Variants in LPP observed in about 807,000 individuals in gnomAD.
LPP encodes the protein LIM domain containing preferred translocation partner in lipoma, also known as lipoma-preferred partner.
LPP carries 38 observed loss-of-function variants against 60.4 expected under a neutral mutation model. That is an observed-to-expected ratio of 0.63 (90% CI 0.49 to 0.83). LPP has a LOEUF of 0.83. Ranked by LOEUF, LPP falls within the 40% of genes least tolerant of loss-of-function variation. The pLI, the probability that LPP is intolerant of heterozygous loss-of-function variation, is 0.00. For missense variants in LPP, 902 were observed against 783.6 expected (o/e 1.15, Z -1.80); for synonymous variants, 328 against 290.8 (o/e 1.13, Z -1.30).
chr3:188,671,683 G>T (rs1856990308), intron 7 of LPP, among the ~76,000 whole-genome samples: 1 of 152,028 alleles, frequency 6.6e-6, no homozygotes, highest in Admixed American at 6.6e-5. Flanking sequence ...TTAATTATTT[G>T]CTCTTCCTTA....
At chr3:188,494,877 A>T (rs1473847942) in intron 5 of LPP, among the ~76,000 whole-genome samples, 1 of 151,506 alleles carries the variant, frequency 6.6e-6, no homozygotes, top group African/African-American at 2.4e-5. Context: ...GACATAATGC[A>T]CATAAAGAAT....
At chr3:188,806,330 A>T (rs1261677171) in intron 9 of LPP, among the ~76,000 whole-genome samples, 1 of 151,800 alleles carries the variant, frequency 6.6e-6, no homozygotes, top group Admixed American at 6.6e-5. Context: ...ACATAATATG[A>T]TTCTTTAACT....
At chr3:188,656,670 C>T (rs879895027) in intron 7 of LPP, among the ~76,000 whole-genome samples, 1 of 152,152 alleles carries the variant, frequency 6.6e-6, no homozygotes, top group Non-Finnish European at 1.5e-5. Context: ...AGTTCTTGCT[C>T]TTAACATGAC....
At chr3:188,273,589 C>CTTTTTTTTTTTT (rs11380757) in intron 2 of LPP, among the ~76,000 whole-genome samples, 52 of 80,414 alleles carry the variant, frequency 6.5e-4, no homozygotes, top group Non-Finnish European at 7.8e-4. Flanking sequence ...TATTTTATAT[C>CTTTTTTTTTTTT]TTTTTTTTTT....
chr3:188,536,475 C>A (rs1385697616), intron 6 of LPP, among the ~76,000 whole-genome samples: 1 of 152,180 alleles, frequency 6.6e-6, no homozygotes, highest in Non-Finnish European at 1.5e-5. Flanking sequence ...ATGTCAAAAC[C>A]AATTAATTGT....
In LPP at chr3:188,746,661, T is replaced by G. The variant is rs929786832; in HGVS notation, c.1241-13452T>G. 2.9e-5 allele frequency: 12 copies of G among 410,292 alleles called. No homozygotes were observed. The Middle Eastern group carries it at 1.0e-3, about 36-fold the overall frequency. 25.4% of individuals were successfully genotyped at this position (410,292 alleles called of 1,614,324 possible). On this transcript the variant is annotated intron_variant, in intron 8 of 11. Transcript: ENST00000617246. ...CATTTTTATGCAGTTTCTGTGGACTTACATGGTTTCTGGGAGCTCCCTATA... is the reference window on the plus strand; with the variant it reads ...CATTTTTATGCAGTTTCTGTGGACTGACATGGTTTCTGGGAGCTCCCTATA...
chr3:188,485,852 G>A (rs1806344966), intron 5 of LPP, among the ~76,000 whole-genome samples: 2 of 148,290 alleles, frequency 1.3e-5, no homozygotes, highest in Non-Finnish European at 3.0e-5. Context: ...AAATAATAAG[G>A]GTTGGAAACT....
At chr3:188,155,908 G>T (rs1244500236) in intron 1 of LPP, among the ~76,000 whole-genome samples, 2 of 152,014 alleles carry the variant, frequency 1.3e-5, no homozygotes, top group African/African-American at 2.4e-5. Flanking sequence ...CCAGCTACTC[G>T]GGAGGCTGAG....
At chr3:188,655,175 C>T (rs1426794365) in intron 7 of LPP, among the ~76,000 whole-genome samples, 1 of 152,150 alleles carries the variant, frequency 6.6e-6, no homozygotes, top group Non-Finnish European at 1.5e-5. Flanking sequence ...TTAGCCTTAA[C>T]TGATCTGCTT....
At chr3:188,590,311 G>A (rs1265790136) in intron 6 of LPP, among the ~76,000 whole-genome samples, 1 of 152,122 alleles carries the variant, frequency 6.6e-6, no homozygotes, top group Non-Finnish European at 1.5e-5. Flanking sequence ...TGTGGCTCAT[G>A]CCTGTAATCC....
At chr3:188,390,660 A>G (rs974529520) in intron 3 of LPP, among the ~76,000 whole-genome samples, 1 of 151,434 alleles carries the variant, frequency 6.6e-6, no homozygotes, top group African/African-American at 2.4e-5. Context: ...CTTCTCATTT[A>G]TGAGTTTCAA....
At chr3:188,769,285 T>A (rs568195705) in intron 9 of LPP, among the ~76,000 whole-genome samples, 1 of 152,294 alleles carries the variant, frequency 6.6e-6, no homozygotes, top group South Asian at 2.1e-4. Flanking sequence ...TATACAACAA[T>A]GTTTTCAGTG....
At chr3:188,787,334 A>G (rs1325785835) in intron 9 of LPP, among the ~76,000 whole-genome samples, 1 of 152,214 alleles carries the variant, frequency 6.6e-6, no homozygotes, top group Non-Finnish European at 1.5e-5. Flanking sequence ...ATTTGAAATA[A>G]AATTCCTACA....
intron 7 of LPP, among the ~76,000 whole-genome samples, chr3:188,678,296 G>A (rs1247000426): frequency 4.6e-5 from 7 of 152,154 alleles, no homozygotes; most frequent in East Asian, 1.9e-4. Flanking sequence ...CTTCTGTTGC[G>A]GGACATTACA....
At chr3:188,259,859 A>C (rs1732966255) in intron 2 of LPP, among the ~76,000 whole-genome samples, 1 of 152,054 alleles carries the variant, frequency 6.6e-6, no homozygotes, top group African/African-American at 2.4e-5. Flanking sequence ...CTCATGTTTA[A>C]ACTCAGTGAA....
At chr3:188,215,059 A>C (rs1712977152) in intron 1 of LPP, among the ~76,000 whole-genome samples, 1 of 152,162 alleles carries the variant, frequency 6.6e-6, no homozygotes, top group Non-Finnish European at 1.5e-5. Flanking sequence ...TAATCCCAGC[A>C]CTTTGAGAGG....
intron 6 of LPP, among the ~76,000 whole-genome samples, chr3:188,589,403 C>T (rs562967075): frequency 3.3e-5 from 5 of 152,102 alleles, no homozygotes; most frequent in African/African-American, 4.8e-5. Context: ...CTGTTACCTT[C>T]TGTCCTATGA....
At chr3:188,417,981 G>A (rs114050591) in intron 4 of LPP, among the ~76,000 whole-genome samples, 18 of 152,184 alleles carry the variant, frequency 1.2e-4, no homozygotes, top group Admixed American at 1.2e-3. Flanking sequence ...AGCAATGAAA[G>A]AAGGATTTTA....
intron 2 of LPP, among the ~76,000 whole-genome samples, chr3:188,340,710 G>A (rs946911013): frequency 3.3e-5 from 5 of 152,096 alleles, no homozygotes; most frequent in African/African-American, 1.2e-4. Context: ...TAGGGGTCAA[G>A]GAAACTTTTG....
Sources: allele counts gnomAD v4.1 joint callset (sites outside exome capture counted in the v4.1 genomes callset), GRCh38; gene constraint gnomAD v4.1.1; transcripts MANE v1.5; gene names NCBI Gene and HGNC (gene_info 2026-07-23, HGNC 2026-07-21).